Variants in CCSER1 observed in about 807,000 individuals in gnomAD.
CCSER1 encodes the protein coiled-coil serine rich protein 1, also known as serine-rich coiled-coil domain-containing protein 1.
In CCSER1, 41 loss-of-function variants were observed where a neutral mutation model predicts 82.0. The ratio of observed to expected loss-of-function variants is 0.50; its 90% confidence interval spans 0.39 to 0.65. The LOEUF (loss-of-function observed/expected upper bound fraction) is 0.65. Ranked by LOEUF, CCSER1 falls within the 30% of genes least tolerant of loss-of-function variation. CCSER1 has a pLI of 0.00. For synonymous variants in CCSER1, 414 were observed against 383.9 expected, an observed-to-expected ratio of 1.08 and a Z score of -0.92; for missense variants, 1,119 against 1,064.2, an observed-to-expected ratio of 1.05 and a Z score of -0.72.
At chr4:90,629,026 A>G (rs187778938) in intron 6 of CCSER1, among the ~76,000 whole-genome samples, 35 of 152,248 alleles carry the variant, frequency 2.3e-4, no homozygotes, top group Non-Finnish European at 3.5e-4. Context: ...ATTACATCCT[A>G]TTATATTTAA....
intron 9 of CCSER1, among the ~76,000 whole-genome samples, chr4:90,990,100 A>G (rs1487159597): frequency 1.3e-5 from 2 of 151,872 alleles, no homozygotes; most frequent in Admixed American, 6.6e-5. Context: ...CATAATGCCT[A>G]TTGCATGTTA....
chr4:90,292,005 A>G (rs1395984992), intron 1 of CCSER1, among the ~76,000 whole-genome samples: 2 of 151,970 alleles, frequency 1.3e-5, no homozygotes, highest in Admixed American at 1.3e-4. Context: ...ACATTAAGTA[A>G]TAGCAGAAAT....
chr4:90,992,430 G>A (rs1011186939), intron 9 of CCSER1, among the ~76,000 whole-genome samples: 5 of 151,902 alleles, frequency 3.3e-5, no homozygotes, highest in Admixed American at 6.6e-5. Context: ...CTATTGCCAA[G>A]TAATGATATT....
intron 1 of CCSER1, among the ~76,000 whole-genome samples, chr4:90,304,298 G>A (rs1309929795): frequency 6.6e-6 from 1 of 152,174 alleles, no homozygotes; most frequent in South Asian, 2.1e-4. Context: ...CCATTACTGG[G>A]TATATACCCA....
chr4:90,395,295 A>T (rs535845196), intron 3 of CCSER1, among the ~76,000 whole-genome samples: 1 of 152,372 alleles, frequency 6.6e-6, no homozygotes, highest in East Asian at 1.9e-4. Context: ...TGTACATGTT[A>T]CAGTGATCCA....
chr4:90,516,067 A>C (rs1427275799), intron 5 of CCSER1, among the ~76,000 whole-genome samples: 3 of 152,196 alleles, frequency 2.0e-5, no homozygotes, highest in African/African-American at 7.2e-5. Context: ...CAATATTGTA[A>C]GTACTAAGAA....
chr4:91,201,845 A>C (rs982395156), intron 10 of CCSER1, among the ~76,000 whole-genome samples: 1 of 152,082 alleles, frequency 6.6e-6, no homozygotes, highest in African/African-American at 2.4e-5. Flanking sequence ...ATTCCAGCAT[A>C]GTTGTCATAA....
intron 4 of CCSER1, among the ~76,000 whole-genome samples, chr4:90,429,004 A>C (rs887328603): frequency 5.3e-5 from 8 of 151,816 alleles, no homozygotes; most frequent in Non-Finnish European, 1.2e-4. Context: ...ATAATGTGTC[A>C]GTATTTTTGT....
In CCSER1 at chr4:90,801,662, C is replaced by T. The variant is rs75083674; in HGVS notation, c.2011-14100C>T. ...AACAACTGTTTTCTCTTGACCATCC[C>T]GTAAAAGATAAATTATTAATAATTT... On this transcript the variant is annotated intron_variant, in intron 7 of 10. Transcript: ENST00000509176. 4.9e-4 allele frequency among the ~76,000 whole-genome samples: 75 copies of T among 152,074 alleles called. 1 individual carries two copies. In the East Asian group the frequency reaches 0.012, roughly 24 times the overall value.
At chr4:91,417,770 G>A (rs1753453132) in intron 10 of CCSER1, among the ~76,000 whole-genome samples, 1 of 151,908 alleles carries the variant, frequency 6.6e-6, no homozygotes, top group African/African-American at 2.4e-5. Flanking sequence ...GGGCTGATCT[G>A]TGCTGCAGAC....
intron 9 of CCSER1, among the ~76,000 whole-genome samples, chr4:91,060,097 C>A (rs935963321): frequency 6.6e-6 from 1 of 152,050 alleles, no homozygotes; most frequent in African/African-American, 2.4e-5. Flanking sequence ...GGAGAATTTA[C>A]TAACATTTGT....
intron 8 of CCSER1, among the ~76,000 whole-genome samples, chr4:90,908,136 A>T (rs1211665907): frequency 2.6e-5 from 4 of 152,216 alleles, no homozygotes; most frequent in Non-Finnish European, 5.9e-5. Flanking sequence ...ACATAGGCAA[A>T]CCACAAATAA....
chr4:90,706,127 T>A (rs964279656), intron 6 of CCSER1, among the ~76,000 whole-genome samples: 1 of 152,156 alleles, frequency 6.6e-6, no homozygotes, highest in Non-Finnish European at 1.5e-5. Context: ...ACTCCCTATG[T>A]CTCAATCTTA....
chr4:90,515,147 C>T (rs1473459842), intron 5 of CCSER1, among the ~76,000 whole-genome samples: 2 of 152,150 alleles, frequency 1.3e-5, no homozygotes, highest in Non-Finnish European at 2.9e-5. Context: ...TGAGCCACCG[C>T]AACCGGCCAC....
At chr4:91,284,877 G>A (rs779812544) in intron 10 of CCSER1, among the ~76,000 whole-genome samples, 153 of 152,144 alleles carry the variant, frequency 1.0e-3, no homozygotes, top group South Asian at 1.9e-3. Context: ...AGAAGGATCC[G>A]TGAATCACTT....
At chr4:90,445,684 A>G (rs1368701991) in intron 4 of CCSER1, among the ~76,000 whole-genome samples, 9 of 152,098 alleles carry the variant, frequency 5.9e-5, no homozygotes, top group African/African-American at 2.2e-4. Context: ...AGAGGCCTAG[A>G]AGAAGTTAAG....
intron 10 of CCSER1, among the ~76,000 whole-genome samples, chr4:91,405,752 C>T (rs555918500): frequency 2.0e-5 from 3 of 152,064 alleles, no homozygotes; most frequent in Non-Finnish European, 4.4e-5. Context: ...TAAGAGTGTC[C>T]GAATTTTCCA....
chr4:90,502,903 A>T (rs981742058), intron 5 of CCSER1, among the ~76,000 whole-genome samples: 2 of 152,130 alleles, frequency 1.3e-5, no homozygotes, highest in Admixed American at 6.6e-5. Context: ...TGTTTTCTCA[A>T]GTGAAACCAA....
At chr4:90,270,399 G>A (rs1030939677) in intron 1 of CCSER1, among the ~76,000 whole-genome samples, 3 of 151,900 alleles carry the variant, frequency 2.0e-5, no homozygotes, top group African/African-American at 7.2e-5. Flanking sequence ...ACAAGATGAA[G>A]GACAAACACC....
Sources: allele counts gnomAD v4.1 joint callset (sites outside exome capture counted in the v4.1 genomes callset), GRCh38; gene constraint gnomAD v4.1.1; transcripts MANE v1.5; gene names NCBI Gene and HGNC (gene_info 2026-07-23, HGNC 2026-07-21).